The following SHROOM3 variants were observed in gnomAD, a reference collection of about 807,000 sequenced individuals.
The protein encoded by SHROOM3 is protein Shroom3.
Under a neutral mutation model 138.6 loss-of-function variants are expected in SHROOM3, and 47 were observed. The observed-to-expected ratio is 0.34, with a 90% CI of 0.27 to 0.43. SHROOM3 has a LOEUF of 0.43. SHROOM3 is among the 20% of genes least tolerant of loss of function. SHROOM3 has a pLI of 1.00. For synonymous variants in SHROOM3, 1,062 were observed against 1,063.3 expected (o/e 1.00, Z 0.02); for missense variants, 2,491 against 2,596.5 (o/e 0.96, Z 0.88).
At chr4:76,760,207 C>T (rs1014349773) in intron 9 of SHROOM3, among the ~76,000 whole-genome samples, 1 of 152,214 alleles carries the variant, frequency 6.6e-6, no homozygotes, top group Non-Finnish European at 1.5e-5. Flanking sequence ...TGAGGGACTT[C>T]AGCGAATAGC....
intron 1 of SHROOM3, among the ~76,000 whole-genome samples, chr4:76,530,925 A>C (rs1336728974): frequency 6.6e-6 from 1 of 152,188 alleles, no homozygotes; most frequent in East Asian, 1.9e-4. Flanking sequence ...GTATAAAAAG[A>C]AAAAGTTGCC....
chr4:76,478,768 C>G (rs1731542602), intron 1 of SHROOM3, among the ~76,000 whole-genome samples: 1 of 152,180 alleles, frequency 6.6e-6, no homozygotes, highest in African/African-American at 2.4e-5. Context: ...TGGGATGAAG[C>G]TTCCAGAGGA....
chr4:76,746,002 T>C (rs1237606546), intron 5 of SHROOM3, among the ~76,000 whole-genome samples: 1 of 152,068 alleles, frequency 6.6e-6, no homozygotes, highest in Non-Finnish European at 1.5e-5. Context: ...TAAAATAAAA[T>C]TATTCCTCAC....
chr4:76,471,832 A>G (rs568559918), intron 1 of SHROOM3, among the ~76,000 whole-genome samples: 1 of 152,134 alleles, frequency 6.6e-6, no homozygotes, highest in Non-Finnish European at 1.5e-5. Flanking sequence ...TTCTCATTAG[A>G]TGTAAGAGCA....
chr4:76,539,840 A>C (rs1382248244), intron 1 of SHROOM3, among the ~76,000 whole-genome samples: 2 of 152,270 alleles, frequency 1.3e-5, no homozygotes, highest in Admixed American at 6.5e-5. Context: ...TTTACCAGTT[A>C]CTGCTCAGGT....
rs189072815 is a variant in SHROOM3, at chr4:76,532,043, G to A, written c.169-23566G>A. On this transcript the variant is annotated intron_variant, in intron 1 of 10. Coordinates refer to ENST00000296043, the MANE Select transcript of SHROOM3 (RefSeq NM_020859.4). ...ATTTACATTAGGTATATCTCCTAAT[G>A]CTATCCCTCCCCCCTCCCCCCATCC... Among the ~76,000 whole-genome samples, 38 of 149,512 alleles carry A rather than the reference G, an allele frequency of 2.5e-4. 1 individual carries two copies. The East Asian group carries it at 7.5e-3, about 29-fold the overall frequency.
intron 2 of SHROOM3, among the ~76,000 whole-genome samples, chr4:76,640,172 G>GA (rs1735624949): frequency 6.6e-6 from 1 of 152,136 alleles, no homozygotes; most frequent in South Asian, 2.1e-4. Flanking sequence ...TATACCCTGT[G>GA]AGGGGGTGAG....
At chr4:76,749,284 G>A (rs902509588) in intron 6 of SHROOM3, among the ~76,000 whole-genome samples, 194 bp downstream of exon 6, 5 of 151,998 alleles carry the variant, frequency 3.3e-5, no homozygotes, top group Non-Finnish European at 5.9e-5. Context: ...TGTGCACAAC[G>A]TGCAGGTTTG....
chr4:76,753,011 T>G (rs1430241476), intron 6 of SHROOM3, among the ~76,000 whole-genome samples: 1 of 152,198 alleles, frequency 6.6e-6, no homozygotes, highest in African/African-American at 2.4e-5. Flanking sequence ...GAGACGTCAC[T>G]GTTCAACAGA....
intron 2 of SHROOM3, among the ~76,000 whole-genome samples, chr4:76,625,708 A>T (rs1359590930): frequency 1.3e-5 from 2 of 152,030 alleles, no homozygotes; most frequent in African/African-American, 2.4e-5. Flanking sequence ...GCCTCTTCCT[A>T]TGTGTTACTT....
chr4:76,437,691 G>A (rs1481946058), intron 1 of SHROOM3, among the ~76,000 whole-genome samples: 1 of 152,126 alleles, frequency 6.6e-6, no homozygotes, highest in Non-Finnish European at 1.5e-5. Context: ...TCTACAATAA[G>A]GACCTACTCT....
At chr4:76,642,996 A>G (rs777029567) in intron 2 of SHROOM3, among the ~76,000 whole-genome samples, 10 of 151,980 alleles carry the variant, frequency 6.6e-5, no homozygotes, top group Non-Finnish European at 1.3e-4. Flanking sequence ...CACCTGAGGT[A>G]GGGAGTTCAA....
chr4:76,521,871 A>G (rs1387592232), intron 1 of SHROOM3, among the ~76,000 whole-genome samples: 3 of 152,194 alleles, frequency 2.0e-5, no homozygotes, highest in Admixed American at 2.0e-4. Flanking sequence ...AATATTACCA[A>G]TAATGGGGAT....
intron 2 of SHROOM3, among the ~76,000 whole-genome samples, chr4:76,564,993 C>A (rs1319840367): frequency 1.3e-5 from 2 of 151,858 alleles, no homozygotes; most frequent in Non-Finnish European, 2.9e-5. Context: ...AACCCCATCT[C>A]TACTAAAGAT....
intron 1 of SHROOM3, among the ~76,000 whole-genome samples, chr4:76,456,223 T>A (rs919610272): frequency 1.3e-5 from 2 of 152,156 alleles, no homozygotes; most frequent in East Asian, 3.8e-4. Context: ...GCCAGGATGG[T>A]CTTGATCTCC....
intron 3 of SHROOM3, among the ~76,000 whole-genome samples, chr4:76,712,875 G>A (rs6849066): frequency 0.22 from 33,445 of 152,178 alleles, 3,952 homozygotes; most frequent in African/African-American, 0.29. Context: ...GCCATTTGGT[G>A]TAGCCTAGAC....
intron 1 of SHROOM3, among the ~76,000 whole-genome samples, chr4:76,483,205 GA>G (rs1433262363): frequency 1.3e-5 from 2 of 152,154 alleles, no homozygotes; most frequent in Non-Finnish European, 2.9e-5. Flanking sequence ...TCATCAGAGT[GA>G]ACAGGCAACC....
At chr4:76,573,495 C>T (rs1234824956) in intron 2 of SHROOM3, 1 of 154,162 alleles carries the variant, frequency 6.5e-6, no homozygotes, top group South Asian at 2.0e-4. Context: ...TTAAGGGGCT[C>T]AGTCTGAAAT....
chr4:76,752,240 C>T (rs1176443124), intron 6 of SHROOM3, among the ~76,000 whole-genome samples: 2 of 152,140 alleles, frequency 1.3e-5, no homozygotes, highest in African/African-American at 4.8e-5. Context: ...GTATGAAGTA[C>T]TTAAAGTAGT....
Sources: allele counts gnomAD v4.1 joint callset (sites outside exome capture counted in the v4.1 genomes callset), GRCh38; gene constraint gnomAD v4.1.1; transcripts MANE v1.5; gene names NCBI Gene and HGNC (gene_info 2026-07-23, HGNC 2026-07-21).